TJP1: variants seen among roughly 807,000 people sequenced by gnomAD.
TJP1 encodes tight junction protein 1.
In TJP1, 43 loss-of-function variants were observed where a neutral mutation model predicts 194.2. The ratio of observed to expected loss-of-function variants is 0.22; its 90% CI spans 0.17 to 0.29. TJP1 has a LOEUF of 0.29. Ranked by LOEUF, TJP1 falls within the 10% of genes least tolerant of loss-of-function variation. TJP1 has a pLI of 1.00. For synonymous variants in TJP1, 801 were observed against 779.0 expected (o/e 1.03, Z -0.47); for missense variants, 1,971 against 2,185.7 (o/e 0.90, Z 1.96).
intron 1 of TJP1, chr15:29,968,152 A>C (rs1257566462): frequency 3.0e-6 from 3 of 985,480 alleles, no homozygotes; most frequent in Non-Finnish European, 3.6e-6. Context: ...GGTGGAATAC[A>C]GTCCCTGACA....
intron 2 of TJP1, among the ~76,000 whole-genome samples, chr15:29,918,391 A>G (rs923410417): frequency 1.8e-4 from 28 of 152,200 alleles, no homozygotes; most frequent in African/African-American, 5.8e-4. Context: ...AAACTTCCCA[A>G]CGTTAAAGAC....
chr15:29,953,316 C>T (rs1030765180), intron 2 of TJP1, among the ~76,000 whole-genome samples: 6 of 151,704 alleles, frequency 4.0e-5, no homozygotes, highest in African/African-American at 1.2e-4. Flanking sequence ...TAATTTTTGT[C>T]TTTTTAATAG....
Position 29,769,565 on chromosome 15 carries a change from T to C in TJP1, c.312+2499A>G, listed in dbSNP as rs985041500. 1.2e-4 allele frequency among the ~76,000 whole-genome samples: 19 copies of C among 152,270 alleles called. No homozygotes were observed. In the South Asian group the frequency reaches 1.7e-3, roughly 13 times the overall value. On this transcript the variant is annotated intron_variant, in intron 4 of 27. Coordinates refer to ENST00000614355, the MANE Select transcript of TJP1 (RefSeq NM_001330239.4). ...AATGAGTGGGTTGGATAAATATATA[T>C]GCATAGTGAAATGCTGCATGGCCAT...
intron 2 of TJP1, among the ~76,000 whole-genome samples, chr15:29,926,354 G>T (rs1317912642): frequency 1.3e-5 from 2 of 152,188 alleles, no homozygotes; most frequent in South Asian, 2.1e-4. Context: ...GCTCACACTT[G>T]CAATCTTAGC....
At chr15:29,784,512 C>A (rs549739878) in intron 2 of TJP1, among the ~76,000 whole-genome samples, 2 of 152,028 alleles carry the variant, frequency 1.3e-5, no homozygotes, top group Non-Finnish European at 2.9e-5. Flanking sequence ...CCGTGTTGGC[C>A]AGGCTTGTCT....
At chr15:29,788,205 C>T (rs2047829088) in intron 2 of TJP1, among the ~76,000 whole-genome samples, 1 of 152,114 alleles carries the variant, frequency 6.6e-6, no homozygotes, top group Admixed American at 6.6e-5. Flanking sequence ...ATTCTAGAAA[C>T]AAATCCCTTA....
chr15:29,815,996 ATTAT>A (rs1412937933), intron 1 of TJP1, among the ~76,000 whole-genome samples: 1 of 150,712 alleles, frequency 6.6e-6, no homozygotes, highest in East Asian at 1.9e-4. Flanking sequence ...TTTCCACCTC[ATTAT>A]TTATTGGTGT....
At chr15:29,736,840 A>C (rs986257541) in intron 11 of TJP1, among the ~76,000 whole-genome samples, 2 of 152,134 alleles carry the variant, frequency 1.3e-5, no homozygotes, top group Non-Finnish European at 2.9e-5. Context: ...GGTTGTGTGG[A>C]TTGCTTCAAG....
intron 2 of TJP1, among the ~76,000 whole-genome samples, chr15:29,837,358 A>C (rs899321087): frequency 6.6e-6 from 1 of 152,164 alleles, no homozygotes; most frequent in Non-Finnish European, 1.5e-5. Context: ...CGGGACTTCA[A>C]GACCAGCCTG....
intron 2 of TJP1, among the ~76,000 whole-genome samples, chr15:29,875,529 C>T (rs953804683): frequency 1.3e-5 from 2 of 152,062 alleles, no homozygotes; most frequent in African/African-American, 4.8e-5. Flanking sequence ...AAATTCTCCC[C>T]CAAATACATG....
intron 2 of TJP1, among the ~76,000 whole-genome samples, chr15:29,833,746 G>T (rs2050909049): frequency 1.3e-5 from 2 of 149,150 alleles, no homozygotes; most frequent in African/African-American, 4.9e-5. Context: ...GATGAATATA[G>T]CTATTCTCAG....
intron 23 of TJP1, among the ~76,000 whole-genome samples, chr15:29,713,210 AC>A (rs2042348488): frequency 6.6e-6 from 1 of 152,258 alleles, no homozygotes; most frequent in Admixed American, 6.5e-5. Context: ...AGATTTGATA[AC>A]AAAAAATCCC....
At chr15:29,737,651 ATAAC>A (rs1168468381) in intron 10 of TJP1, among the ~76,000 whole-genome samples, 1 of 152,226 alleles carries the variant, frequency 6.6e-6, no homozygotes, top group African/African-American at 2.4e-5. Context: ...ACTATTTTAC[ATAAC>A]TAATTTATAA....
At chr15:29,787,981 T>C (rs997393943) in intron 2 of TJP1, among the ~76,000 whole-genome samples, 2 of 152,210 alleles carry the variant, frequency 1.3e-5, no homozygotes, top group Non-Finnish European at 2.9e-5. Flanking sequence ...CCAACCTTTA[T>C]TGTCTTTCTG....
intron 15 of TJP1, chr15:29,732,151 C>A: frequency 5.5e-6 from 2 of 361,566 alleles, no homozygotes; most frequent in East Asian, 1.1e-4. Flanking sequence ...GGATATTATA[C>A]TCCTTACCTC....
At position 29,711,059 on chromosome 15, in the gene TJP1, G is replaced by A. The variant is rs988837123; in HGVS notation, c.4203-59C>T. The A allele has an allele frequency of 2.0e-6, 3 of 1,475,766 alleles. No individual in the cohort carries two copies. The African/African-American group carries it at 4.3e-5, about 21-fold the overall frequency. 91.4% of individuals were successfully genotyped at this position (1,475,766 alleles called of 1,614,324 possible). A position where few individuals can be genotyped will look rare whatever the true frequency, so the allele number is the denominator to read the frequency against. The stretch of plus-strand genomic sequence containing the variant: ...AAATGGACTCACATTTACAAAACAA[G>A]TTCTCATTTCTCCATGTATCTCTAA... On this transcript the variant is annotated intron_variant, in intron 23 of 27. Transcript: ENST00000614355.
At chr15:29,847,999 C>T (rs1029323419) in intron 2 of TJP1, among the ~76,000 whole-genome samples, 12 of 151,880 alleles carry the variant, frequency 7.9e-5, no homozygotes, top group Non-Finnish European at 1.3e-4. Flanking sequence ...TTTATTTCCA[C>T]GTTTAAAGCT....
chr15:29,707,184 G>A (rs1053129465), intron 25 of TJP1, among the ~76,000 whole-genome samples: 3 of 152,120 alleles, frequency 2.0e-5, no homozygotes, highest in African/African-American at 7.2e-5. Context: ...AGAGACAGTA[G>A]ATTAACTTAG....
chr15:29,699,465 G>A (rs2041414990), downstream of TJP1: 1 of 152,132 alleles, frequency 6.6e-6, no homozygotes, highest in Non-Finnish European at 1.5e-5. Context: ...GAGTATAAAG[G>A]GGTACAAATG....
Sources: gnomAD v4.1 joint callset for allele counts (sites outside exome capture counted in the v4.1 genomes callset) on GRCh38, gnomAD v4.1.1 for gene constraint, MANE v1.5 for transcripts, NCBI Gene and HGNC (gene_info 2026-07-23, HGNC 2026-07-21) for gene names.